NWD2: variants seen among roughly 807,000 people sequenced by gnomAD.
The protein encoded by NWD2 is NACHT and WD repeat domain containing 2.
A neutral mutation model predicts 132.7 loss-of-function variants in NWD2; 37 were observed. The observed-to-expected ratio is 0.28, with a 90% confidence interval of 0.21 to 0.37. The LOEUF is 0.37. Among genes scored for constraint, NWD2 ranks in the 10% least tolerant of loss-of-function variants. The pLI, the probability that NWD2 is intolerant of heterozygous loss-of-function variation, is 1.00. For missense variants in NWD2, 1,592 were observed against 2,122.4 expected (o/e 0.75, Z 4.91); for synonymous variants, 705 against 803.0 (o/e 0.88, Z 2.06).
chr4:37,425,390 T>A (rs1226915298), intron 3 of NWD2, among the ~76,000 whole-genome samples: 1 of 152,228 alleles, frequency 6.6e-6, no homozygotes, highest in African/African-American at 2.4e-5. Context: ...GTATTGTTGC[T>A]TTCTGCCTAG....
intron 2 of NWD2, among the ~76,000 whole-genome samples, chr4:37,334,810 A>C (rs1207341939): frequency 1.3e-5 from 2 of 152,264 alleles, no homozygotes; most frequent in East Asian, 3.9e-4. Flanking sequence ...CCTGGTATTT[A>C]CATTGGTCTT....
chr4:37,433,938 GAAGAT>G lies in NWD2; in HGVS notation c.626_630del (p.Lys209IlefsTer2), dbSNP rs776822576. On this transcript the variant is annotated frameshift_variant, in exon 5 of 7. Transcript: ENST00000309447. LOFTEE classifies it high-confidence loss of function. ...GGCAAGAGATATCAGATGAGATCAA[GAAGAT>G]ATTTAAGGCTGCTGTAAAGCTGTTA... is the stretch of plus-strand genomic sequence containing the variant. 18 of 1,550,250 alleles carry G rather than the reference GAAGAT, an allele frequency of 1.2e-5. No individual in the cohort carries two copies. Among genetic ancestry groups the G allele is most frequent in the Non-Finnish European group, 8.7e-7 (1 of 1,146,046 alleles).
In NWD2 at chr4:37,444,036, T is replaced by A; in HGVS notation, c.2048T>A (p.Leu683Gln). ...ATGGAACTGGAGGATGTGTTAGCCCTAGACAACAGTGTAATGAGTGAGCTC... is the reference window on the plus strand; with the variant it reads ...ATGGAACTGGAGGATGTGTTAGCCCAAGACAACAGTGTAATGAGTGAGCTC... ...SEMELEDVLA[L>Q]DNSVMSELKE... The change falls in exon 7 of 7, where the codon CTA becomes CAA. Residue 683 changes from leucine to glutamine, a missense_variant. Transcript: ENST00000309447. This position sits in a 1 kb window ranked among gnomAD's most constrained non-coding sequence, Gnocchi z 4.8. 1 of 1,551,934 alleles carries A rather than the reference T, an allele frequency of 6.4e-7. No homozygotes were observed. Among genetic ancestry groups the A allele is most frequent in the Non-Finnish European group, 8.7e-7 (1 of 1,147,050 alleles).
chr4:37,279,337 C>G (rs1718084254), intron 1 of NWD2, among the ~76,000 whole-genome samples: 1 of 152,136 alleles, frequency 6.6e-6, no homozygotes, highest in African/African-American at 2.4e-5. Context: ...AACAGTAACA[C>G]TAGATCTGTA....
chr4:37,339,777 A>G lies in NWD2; in HGVS notation c.240+13753A>G, dbSNP rs770232098. On this transcript the variant is annotated intron_variant, in intron 2 of 6. Coordinates refer to ENST00000309447, the MANE Select transcript of NWD2 (RefSeq NM_001144990.2). ...AGCTTTTAGCATAGCCATCACCCAA[A>G]TAGTATATATTGTACCCATTAAGTA... Among the ~76,000 whole-genome samples the G allele has an allele frequency of 9.0e-4, 137 of 152,284 alleles. 1 individual carries two copies. Among genetic ancestry groups the G allele is most frequent in the African/African-American group, 2.9e-3 (119 of 41,552 alleles).
At chr4:37,254,972 C>G (rs1380393568) in intron 1 of NWD2, among the ~76,000 whole-genome samples, 2 of 152,216 alleles carry the variant, frequency 1.3e-5, no homozygotes, top group Non-Finnish European at 2.9e-5. Flanking sequence ...TTAATCTGAT[C>G]TATTACATGC....
At chr4:37,400,176 T>C (rs959217304) in intron 3 of NWD2, among the ~76,000 whole-genome samples, 3 of 152,184 alleles carry the variant, frequency 2.0e-5, no homozygotes, top group African/African-American at 7.2e-5. Flanking sequence ...TCCCACCCAT[T>C]CTAATATTCC....
chr4:37,422,530 A>T (rs974722825), intron 3 of NWD2, among the ~76,000 whole-genome samples: 2 of 152,112 alleles, frequency 1.3e-5, no homozygotes, highest in Non-Finnish European at 2.9e-5. Flanking sequence ...ATACTTCATT[A>T]TTCTATCTGT....
At chr4:37,275,243 A>C (rs1410098800) in intron 1 of NWD2, among the ~76,000 whole-genome samples, 1 of 152,230 alleles carries the variant, frequency 6.6e-6, no homozygotes, top group Non-Finnish European at 1.5e-5. Context: ...CTCAGGATAC[A>C]AAATCAATGT....
intron 2 of NWD2, among the ~76,000 whole-genome samples, chr4:37,337,482 C>T (rs1183404422): frequency 6.6e-6 from 1 of 152,152 alleles, no homozygotes; most frequent in Non-Finnish European, 1.5e-5. Flanking sequence ...GAAGATCTTG[C>T]CCGCAACTAC....
intron 1 of NWD2, among the ~76,000 whole-genome samples, chr4:37,322,713 A>G (rs1719094093): frequency 6.6e-6 from 1 of 152,142 alleles, no homozygotes; most frequent in Admixed American, 6.6e-5. Context: ...AGGGAGATGG[A>G]ATCTGGATGA....
chr4:37,275,892 C>A (rs985610828), intron 1 of NWD2, among the ~76,000 whole-genome samples: 27 of 152,148 alleles, frequency 1.8e-4, no homozygotes, highest in Middle Eastern at 6.8e-3. Context: ...AACTGGCTAG[C>A]CATATGGAGA....
At chr4:37,360,373 A>G (rs1315908923) in intron 3 of NWD2, among the ~76,000 whole-genome samples, 2 of 152,194 alleles carry the variant, frequency 1.3e-5, no homozygotes, top group Admixed American at 6.6e-5. Flanking sequence ...TAAATGTAAA[A>G]AGTATCAAGG....
At chr4:37,332,766 T>G (rs1039936318) in intron 2 of NWD2, among the ~76,000 whole-genome samples, 1 of 152,156 alleles carries the variant, frequency 6.6e-6, no homozygotes, top group Non-Finnish European at 1.5e-5. Context: ...CACAGTAGGG[T>G]AGAGCACCAA....
At chr4:37,333,588 G>GA (rs1260378954) in intron 2 of NWD2, among the ~76,000 whole-genome samples, 6 of 152,100 alleles carry the variant, frequency 3.9e-5, no homozygotes, top group East Asian at 1.9e-4. Flanking sequence ...TTGAATACCT[G>GA]AAAAAACCTT....
At chr4:37,419,625 T>A (rs1467149356) in intron 3 of NWD2, among the ~76,000 whole-genome samples, 1 of 152,174 alleles carries the variant, frequency 6.6e-6, no homozygotes, top group African/African-American at 2.4e-5. Context: ...ACTAATTTTT[T>A]AAAAACCACT....
At chr4:37,364,054 C>T (rs1356686754) in intron 3 of NWD2, among the ~76,000 whole-genome samples, 2 of 152,006 alleles carry the variant, frequency 1.3e-5, no homozygotes, top group African/African-American at 4.8e-5. Flanking sequence ...ATTGCTTGAA[C>T]CAGGATCCAG....
intron 1 of NWD2, among the ~76,000 whole-genome samples, chr4:37,299,655 G>A (rs1184386526): frequency 3.3e-5 from 5 of 152,114 alleles, no homozygotes; most frequent in Admixed American, 3.3e-4. Flanking sequence ...GGTGCAGGGT[G>A]GAGCCTCTGT....
At chr4:37,426,779 A>G (rs540992175) in intron 3 of NWD2, among the ~76,000 whole-genome samples, 1 of 152,282 alleles carries the variant, frequency 6.6e-6, no homozygotes, top group East Asian at 1.9e-4. Flanking sequence ...CATTTTAGCA[A>G]GTACCCTGGG....
Sources: gnomAD v4.1 joint callset for allele counts (sites outside exome capture counted in the v4.1 genomes callset) on GRCh38, gnomAD v4.1.1 for gene constraint, Gnocchi (gnomAD v3.1) non-coding constraint, MANE v1.5 for transcripts, NCBI Gene and HGNC (gene_info 2026-07-23, HGNC 2026-07-21) for gene names.